The following MTUS1 variants were observed in gnomAD, a reference collection of about 807,000 sequenced individuals.
MTUS1 encodes the protein microtubule-associated tumor suppressor 1.
Under a neutral mutation model 120.8 loss-of-function variants are expected in MTUS1, and 109 were observed. The ratio of observed to expected loss-of-function variants is 0.90; its 90% CI spans 0.77 to 1.06. MTUS1 has a LOEUF of 1.06. MTUS1 is among the 50% of genes least tolerant of loss of function. The pLI is 0.00. For missense variants in MTUS1, 2,210 were observed against 1,486.3 expected (o/e 1.49, Z -8.01); for synonymous variants, 737 against 550.5 (o/e 1.34, Z -4.74).
At chr8:17,690,634 A>T (rs1816763030) in intron 6 of MTUS1, among the ~76,000 whole-genome samples, 1 of 152,230 alleles carries the variant, frequency 6.6e-6, no homozygotes, top group African/African-American at 2.4e-5. Context: ...TTTACAATAC[A>T]AACAATAAAT....
intron 3 of MTUS1, among the ~76,000 whole-genome samples, chr8:17,743,327 A>C (rs2047479982): frequency 1.3e-5 from 2 of 152,186 alleles, no homozygotes; most frequent in Non-Finnish European, 2.9e-5. Flanking sequence ...AAATGATTCA[A>C]ATTTACATCA....
At chr8:17,694,366 G>A (rs1817543256) in intron 6 of MTUS1, among the ~76,000 whole-genome samples, 1 of 152,162 alleles carries the variant, frequency 6.6e-6, no homozygotes, top group Non-Finnish European at 1.5e-5. Context: ...GACAAGTAAT[G>A]ATTCAAAGGT....
chr8:17,758,850 A>C (rs551174611), intron 1 of MTUS1, among the ~76,000 whole-genome samples: 1 of 152,254 alleles, frequency 6.6e-6, no homozygotes, highest in South Asian at 2.1e-4. Context: ...ACCTCATATA[A>C]ATTGAATTAA....
At chr8:17,797,330 T>G (rs1186960759) in intron 1 of MTUS1, among the ~76,000 whole-genome samples, 1 of 152,182 alleles carries the variant, frequency 6.6e-6, no homozygotes, top group Non-Finnish European at 1.5e-5. Flanking sequence ...GGAGGATAGC[T>G]TGAGCCTGGG....
At chr8:17,707,174 G>C (rs535041182) in intron 6 of MTUS1, among the ~76,000 whole-genome samples, 9 of 152,250 alleles carry the variant, frequency 5.9e-5, no homozygotes, top group African/African-American at 2.2e-4. Flanking sequence ...AAAAAGTCAA[G>C]GTGATTTTCA....
At chr8:17,698,548 C>G (rs961687501) in intron 6 of MTUS1, among the ~76,000 whole-genome samples, 1 of 152,096 alleles carries the variant, frequency 6.6e-6, no homozygotes, top group South Asian at 2.1e-4. Flanking sequence ...TGCCTGTTTC[C>G]AAGATTTCCT....
At chr8:17,783,277 T>C (rs2051038007) in intron 1 of MTUS1, among the ~76,000 whole-genome samples, 1 of 152,138 alleles carries the variant, frequency 6.6e-6, no homozygotes, top group South Asian at 2.1e-4. Flanking sequence ...TGAGGTGTTC[T>C]CTCCATTCCA....
intron 1 of MTUS1, among the ~76,000 whole-genome samples, chr8:17,782,808 T>C (rs549806870): frequency 1.0e-3 from 159 of 152,304 alleles, no homozygotes; most frequent in African/African-American, 3.6e-3. Flanking sequence ...CCGGGCATGG[T>C]AGCTCACACC....
chr8:17,747,169 C>T (rs1165766987), intron 2 of MTUS1, among the ~76,000 whole-genome samples: 7 of 152,178 alleles, frequency 4.6e-5, no homozygotes, highest in African/African-American at 1.7e-4. Flanking sequence ...TATGGAAGCC[C>T]CTGCCATCCT....
intron 1 of MTUS1, among the ~76,000 whole-genome samples, chr8:17,787,084 G>A (rs138691014): frequency 4.1e-3 from 632 of 152,322 alleles, no homozygotes; most frequent in Non-Finnish European, 6.7e-3. Flanking sequence ...GAGAGAAAGC[G>A]CTGTGTAAAC....
At chr8:17,671,038 A>G (rs569527409) in intron 8 of MTUS1, among the ~76,000 whole-genome samples, 1 of 152,334 alleles carries the variant, frequency 6.6e-6, no homozygotes, top group South Asian at 2.1e-4. Context: ...GGATTGACAG[A>G]AATAGTCTAT....
At chr8:17,685,582 C>G (rs1815611968) in intron 6 of MTUS1, among the ~76,000 whole-genome samples, 1 of 152,140 alleles carries the variant, frequency 6.6e-6, no homozygotes, top group South Asian at 2.1e-4. Context: ...TAATTACTGT[C>G]TCTAATTTTT....
At chr8:17,722,455 C>G (rs902448572) in intron 4 of MTUS1, 1 of 985,264 alleles carries the variant, frequency 1.0e-6, no homozygotes, top group Admixed American at 6.1e-5. Context: ...TACATGCAAG[C>G]CTGATTTTGT....
At chr8:17,656,825 A>G (rs1240470352) in intron 8 of MTUS1, among the ~76,000 whole-genome samples, 2 of 151,582 alleles carry the variant, frequency 1.3e-5, no homozygotes, top group Non-Finnish European at 2.9e-5. Context: ...TAATCCCAGC[A>G]CTTTGGGAGG....
intron 3 of MTUS1, among the ~76,000 whole-genome samples, chr8:17,742,000 G>A (rs74477898): frequency 0.016 from 2,454 of 152,284 alleles, 30 homozygotes; most frequent in South Asian, 0.045. Flanking sequence ...GTGCCACCAA[G>A]CTACAGGTGT....
At chr8:17,684,600 A>G (rs1815363884) in intron 6 of MTUS1, 58 bp from the exon 7 acceptor site, 1 of 1,385,822 alleles carries the variant, frequency 7.2e-7, no homozygotes. Flanking sequence ...TAAAATCACC[A>G]CCACAAGGAT....
At chr8:17,696,857 A>G (rs915697754) in intron 6 of MTUS1, among the ~76,000 whole-genome samples, 2 of 151,648 alleles carry the variant, frequency 1.3e-5, no homozygotes, top group African/African-American at 2.4e-5. Flanking sequence ...AAACTATCCA[A>G]TGAAAAACGA....
chr8:17,694,198 A>T (rs1817513366), intron 6 of MTUS1, among the ~76,000 whole-genome samples: 2 of 152,096 alleles, frequency 1.3e-5, no homozygotes, highest in South Asian at 4.1e-4. Context: ...AAGTACTGGG[A>T]TTATAGGTGT....
intron 4 of MTUS1, chr8:17,723,217 C>A (rs536994281): frequency 5.5e-6 from 1 of 181,950 alleles, no homozygotes; most frequent in Non-Finnish European, 1.2e-5. Context: ...ATAGAACTCA[C>A]GTTAACTGAA....
Sources: gnomAD v4.1 joint callset for allele counts (sites outside exome capture counted in the v4.1 genomes callset) on GRCh38, gnomAD v4.1.1 for gene constraint, MANE v1.5 for transcripts, NCBI Gene and HGNC (gene_info 2026-07-23, HGNC 2026-07-21) for gene names.